ACSBG1: variants seen among roughly 807,000 people sequenced by gnomAD.
ACSBG1 encodes the protein acyl-CoA synthetase bubblegum family member 1.
A neutral mutation model predicts 80.2 loss-of-function variants in ACSBG1; 39 were observed. The observed-to-expected ratio is 0.49, with a 90% CI of 0.38 to 0.64. ACSBG1 has a LOEUF of 0.64. ACSBG1 is among the 30% of genes least tolerant of loss of function. The pLI, the probability that ACSBG1 is intolerant of heterozygous loss-of-function variation, is 0.00. For synonymous variants in ACSBG1, 392 were observed against 379.5 expected (o/e 1.03, Z -0.38); for missense variants, 828 against 966.4 (o/e 0.86, Z 1.90).
chr15:78,210,992 C>T (rs2075261577), intron 1 of ACSBG1, among the ~76,000 whole-genome samples: 1 of 152,222 alleles, frequency 6.6e-6, no homozygotes, highest in Non-Finnish European at 1.5e-5. Flanking sequence ...TCTAGCAATT[C>T]ATCTCACTCC....
intron 2 of ACSBG1, among the ~76,000 whole-genome samples, chr15:78,196,078 G>A (rs1428755424): frequency 6.6e-6 from 1 of 152,202 alleles, no homozygotes; most frequent in Non-Finnish European, 1.5e-5. Flanking sequence ...GCAGCCTGCA[G>A]GAAATGCAGG....
At chr15:78,198,886 G>A (rs375254501) in intron 2 of ACSBG1, among the ~76,000 whole-genome samples, 30 of 152,202 alleles carry the variant, frequency 2.0e-4, no homozygotes, top group Admixed American at 3.9e-4. Flanking sequence ...GGGACCAGGC[G>A]GGTAGTGTAT....
rs200838634 is a variant in ACSBG1 at position 78,182,870 on chromosome 15, C to T, written c.664-85G>A. 927 of 1,469,590 alleles carry T rather than the reference C, an allele frequency of 6.3e-4. 6 individuals are homozygous for T. The African/African-American group carries it at 0.011, about 17-fold the overall frequency. 91.0% of individuals were successfully genotyped at this position (1,469,590 alleles called of 1,614,324 possible). A position where few individuals can be genotyped will look rare whatever the true frequency, so the allele number is the denominator to read the frequency against. On this transcript the variant is annotated intron_variant, in intron 5 of 13. Transcript: ENST00000258873. ...TACCCCATCTCCCTGTGTGAGTCGG[C>T]TTAGTAAAGGTCTCTGGGTGCCCCG... is the stretch of plus-strand genomic sequence containing the variant.
intron 1 of ACSBG1, among the ~76,000 whole-genome samples, chr15:78,226,810 T>C (rs2075406989): frequency 6.9e-6 from 1 of 144,474 alleles, no homozygotes; most frequent in Non-Finnish European, 1.5e-5. Flanking sequence ...ATAATATATA[T>C]ATATGACCTT....
In ACSBG1 at chr15:78,196,647, C is replaced by T. The variant is rs149122233; in HGVS notation, c.233-1921G>A. On this transcript the variant is annotated intron_variant, in intron 2 of 13. Coordinates refer to ENST00000258873, the MANE Select transcript of ACSBG1 (RefSeq NM_015162.5). The stretch of plus-strand genomic sequence containing the variant: ...AGAGAAATAAAAACACATGTCCCCA[C>T]GAAGACTTACACACAGATGTTCTTC... Among the ~76,000 whole-genome samples the T allele has an allele frequency of 3.2e-4, 49 of 152,270 alleles. No homozygotes were observed. In the East Asian group the frequency reaches 5.6e-3, roughly 17 times the overall value.
At chr15:78,222,212 A>G (rs1363752327) in intron 1 of ACSBG1, among the ~76,000 whole-genome samples, 1 of 152,262 alleles carries the variant, frequency 6.6e-6, no homozygotes, top group Non-Finnish European at 1.5e-5. Context: ...CATATATTGT[A>G]TTAGTCCACT....
At chr15:78,217,373 A>T (rs994715069) in intron 1 of ACSBG1, among the ~76,000 whole-genome samples, 2 of 152,152 alleles carry the variant, frequency 1.3e-5, no homozygotes, top group Non-Finnish European at 2.9e-5. Context: ...GCAGAGTCAC[A>T]ATATATACTT....
intron 1 of ACSBG1, among the ~76,000 whole-genome samples, chr15:78,229,336 T>C (rs1335425135): frequency 1.3e-5 from 2 of 152,244 alleles, no homozygotes; most frequent in Non-Finnish European, 2.9e-5. Context: ...TTTTACATAA[T>C]GGGAAGTGGG....
intron 1 of ACSBG1, among the ~76,000 whole-genome samples, chr15:78,215,725 A>AGAAC (rs2075302853): frequency 8.6e-5 from 1 of 11,626 alleles, no homozygotes; most frequent in African/African-American, 3.8e-4. Flanking sequence ...AGAAAGAAAG[A>AGAAC]GAAAGAAAGA....
chr15:78,169,818 G>A lies in ACSBG1; in HGVS notation c.*1626C>T, dbSNP rs2074796954. 1 of 152,232 alleles carries A rather than the reference G, an allele frequency of 6.6e-6. No individual in the cohort carries two copies. Among genetic ancestry groups the A allele is most frequent in the African/African-American group, 2.4e-5 (1 of 41,454 alleles). 9.4% of individuals were successfully genotyped at this position (152,232 alleles called of 1,614,324 possible). On this transcript the variant is annotated 3_prime_UTR_variant, in exon 14 of 14. Transcript: ENST00000258873. The stretch of plus-strand genomic sequence containing the variant: ...GTCACAGCCTCTGAGCCCCTGATCT[G>A]AAGCCAGAAGGGCTGAGTGTATTGT...
At chr15:78,208,452 G>A (rs1451236459) in intron 1 of ACSBG1, among the ~76,000 whole-genome samples, 1 of 152,186 alleles carries the variant, frequency 6.6e-6, no homozygotes, top group East Asian at 1.9e-4. Context: ...ACGGGGCTAA[G>A]GTCCGCACTG....
Position 78,179,632 on chromosome 15 carries a change from T to C in ACSBG1, c.1402A>G (p.Ile468Val). Residue 468 changes from isoleucine (I) to valine (V), a missense_variant, in exon 10 of 14, where the codon ATC (isoleucine) becomes GTC (valine). This residue lies in a region of ACSBG1 where 271 missense variants were observed against 375.9 expected (regional missense o/e 0.72). Transcript: ENST00000258873. ...AGGCCGTAGCCCGCATACAAGCGGA[T>C]GTTGAGACCCAGGAAGAAGTGCTGT... Reference protein sequence around the residue: ...ETQHFFLGLNIRLYAGYGLSE... With the variant: ...ETQHFFLGLNVRLYAGYGLSE... 6.2e-7 allele frequency: 1 copy of C among 1,614,010 alleles called. No homozygotes were observed. The highest frequency in any genetic ancestry group is 8.5e-7 in the Non-Finnish European group (1 of 1,179,992).
At position 78,182,594 on chromosome 15, in the gene ACSBG1, C is replaced by T; in HGVS notation, c.766G>A (p.Gly256Arg). 1 of 1,614,132 alleles carries T rather than the reference C, an allele frequency of 6.2e-7. No individual in the cohort carries two copies. Among genetic ancestry groups the T allele is most frequent in the Non-Finnish European group, 8.5e-7 (1 of 1,179,994 alleles). Residue 256 changes from glycine (G) to arginine (R), a missense_variant, in exon 7 of 14, where the codon GGG becomes AGG. This residue lies in a region of ACSBG1 where 356 missense variants were observed against 363.5 expected (regional missense o/e 0.98). Coordinates refer to ENST00000258873, the MANE Select transcript of ACSBG1 (RefSeq NM_015162.5). ...VYTMEEFMEL[G>R]NEVPEEALDA... ...AGGGCTTCCTCAGGCACTTCATTCCCCAGCTCCATGAATTCCTCCATCTGT... is the reference window on the plus strand; with the variant it reads ...AGGGCTTCCTCAGGCACTTCATTCCTCAGCTCCATGAATTCCTCCATCTGT...
At chr15:78,228,376 A>G (rs1476334907) in intron 1 of ACSBG1, among the ~76,000 whole-genome samples, 1 of 152,154 alleles carries the variant, frequency 6.6e-6, no homozygotes, top group African/African-American at 2.4e-5. Context: ...ATCAGGTCAG[A>G]GTAGATTGAT....
At chr15:78,191,442 A>C (rs2075056225) in intron 5 of ACSBG1, among the ~76,000 whole-genome samples, 1 of 152,216 alleles carries the variant, frequency 6.6e-6, no homozygotes, top group Non-Finnish European at 1.5e-5. Flanking sequence ...CCTTCTAGCC[A>C]ACAACTGCAG....
In ACSBG1 at chr15:78,188,313, G is replaced by A. The variant is rs1444692533; in HGVS notation, c.663+5193C>T. The stretch of plus-strand genomic sequence containing the variant: ...TACCAATGACTTTCTTCACAGAATT[G>A]GAAAAAACTACTTTAAAGTTCATAT... On this transcript the variant is annotated intron_variant, in intron 5 of 13. Coordinates refer to ENST00000258873, the MANE Select transcript of ACSBG1 (RefSeq NM_015162.5). 4.6e-5 allele frequency among the ~76,000 whole-genome samples: 7 copies of A among 151,996 alleles called. No individual in the cohort carries two copies. The East Asian group carries it at 1.4e-3, about 29-fold the overall frequency.
chr15:78,209,955 G>A (rs1482645480), intron 1 of ACSBG1, among the ~76,000 whole-genome samples: 2 of 152,218 alleles, frequency 1.3e-5, no homozygotes, highest in African/African-American at 4.8e-5. Flanking sequence ...GAAAATTAGT[G>A]TAAACTGGTT....
rs1360190558 is a variant in ACSBG1 at position 78,206,765 on chromosome 15, G to A, written c.232+1237C>T. ...GTCTACTGCTGCACGGCTGCCAGAC[G>A]ACAGCCATTCAGATGAAGCCATTGA... On this transcript the variant is annotated intron_variant, in intron 2 of 13. Transcript: ENST00000258873. 3.9e-5 allele frequency among the ~76,000 whole-genome samples: 6 copies of A among 152,196 alleles called. No individual in the cohort carries two copies. The East Asian group carries it at 1.2e-3, about 29-fold the overall frequency.
intron 1 of ACSBG1, chr15:78,209,020 T>C (rs1433521395): frequency 2.5e-6 from 1 of 397,514 alleles, no homozygotes; most frequent in Non-Finnish European, 5.0e-6. Flanking sequence ...TTGTGCAGCA[T>C]GCAACCTGTG....
Sources: gnomAD v4.1 joint callset for allele counts (sites outside exome capture counted in the v4.1 genomes callset) on GRCh38, gnomAD v4.1.1 for gene constraint, gnomAD v4.1.1 regional missense constraint, MANE v1.5 for transcripts, NCBI Gene and HGNC (gene_info 2026-07-23, HGNC 2026-07-21) for gene names.